OR52K1: variants seen among roughly 807,000 people sequenced by gnomAD.
OR52K1 encodes olfactory receptor 52K1.
In OR52K1, 10 loss-of-function variants were observed where a neutral mutation model predicts 8.7. That is an observed-to-expected ratio of 1.15 (90% CI 0.71 to 1.95). The LOEUF is 1.95. Among genes scored for constraint, OR52K1 ranks in the 30% most tolerant of loss-of-function variants. The probability of loss-of-function intolerance (pLI) is 0.00; values close to 1 mark genes in which losing one functional copy is unlikely to be tolerated. For synonymous variants in OR52K1, 203 were observed against 148.5 expected (o/e 1.37, Z -2.67); for missense variants, 431 against 397.2 (o/e 1.08, Z -0.72).
Position 4,489,818 on chromosome 11 carries a change from C to G in OR52K1, c.918C>G (p.Leu306=), listed in dbSNP as rs149846909. 1.2e-6 allele frequency: 2 copies of G among 1,608,830 alleles called. No individual in the cohort carries two copies. The highest frequency in any genetic ancestry group is 2.7e-5 in the African/African-American group (2 of 74,804). The change falls in exon 2 of 2, where the codon CTC becomes CTG. Residue 306 remains leucine, a synonymous_variant. Transcript: ENST00000641528. ...VKTKQIREYV[L]SLFQRKNM The stretch of plus-strand genomic sequence containing the variant: ...CCAAGCAGATTCGTGAGTATGTGCT[C>G]AGTCTATTCCAGAGAAAGAACATGT...
rs185569468 is a variant in OR52K1, at chr11:4,492,795, A to G, written c.*2950A>G. 24 of 166,764 alleles carry G rather than the reference A, an allele frequency of 1.4e-4. No individual in the cohort carries two copies. Among genetic ancestry groups the G allele is most frequent in the African/African-American group, 5.5e-4 (23 of 41,836 alleles). 10.3% of individuals were successfully genotyped at this position (166,764 alleles called of 1,614,324 possible). A position where few individuals can be genotyped will look rare whatever the true frequency, so the allele number is the denominator to read the frequency against. ...GTTTTTCCCCTTGTGTGCAGAGATG[A>G]GAGATCATAGAAATAAAGACAAAAG... On this transcript the variant is annotated 3_prime_UTR_variant, in exon 2 of 2. Transcript: ENST00000641528.
chr11:4,484,825 A>AACACAC (rs1429995858), intron 1 of OR52K1, among the ~76,000 whole-genome samples: 3,032 of 131,782 alleles, frequency 0.023, 38 homozygotes, highest in African/African-American at 0.024. Context: ...TCTGTTCTAA[A>AACACAC]ACACACAGAC....
chr11:4,484,671 T>C (rs1846305877), intron 1 of OR52K1, among the ~76,000 whole-genome samples: 1 of 152,008 alleles, frequency 6.6e-6, no homozygotes, highest in African/African-American at 2.4e-5. Context: ...CAGGATATGT[T>C]TATATTCTCA....
intron 1 of OR52K1, among the ~76,000 whole-genome samples, chr11:4,487,663 C>T (rs1436556484): frequency 2.0e-5 from 3 of 152,060 alleles, no homozygotes; most frequent in Non-Finnish European, 4.4e-5. Context: ...GCTATAATAT[C>T]TTAGAGCAAT....
chr11:4,489,206 G>C lies in OR52K1; in HGVS notation c.306G>C (p.Gln102His), dbSNP rs370066776. ...QEINFFACLVQMFFLHSFSIM... is the reference protein window; with the variant it reads ...QEINFFACLVHMFFLHSFSIM... Reference sequence around the variant, plus strand: ...TCAACTTCTTTGCCTGTCTGGTCCAGATGTTCTTCCTTCACTCCTTCTCCA... The same window carrying C: ...TCAACTTCTTTGCCTGTCTGGTCCACATGTTCTTCCTTCACTCCTTCTCCA... Residue 102 changes from glutamine to histidine, a missense_variant, in exon 2 of 2, where the codon CAG (glutamine) becomes CAC (histidine). Coordinates refer to ENST00000641528, the MANE Select transcript of OR52K1 (RefSeq NM_001005171.3). The C allele has an allele frequency of 2.0e-5, 32 of 1,614,228 alleles. No individual in the cohort carries two copies. In the East Asian group the frequency reaches 3.1e-4, roughly 16 times the overall value.
chr11:4,484,825 A>AACACACACACACACACAC (rs1429995858), intron 1 of OR52K1, among the ~76,000 whole-genome samples: 3 of 131,880 alleles, frequency 2.3e-5, no homozygotes, highest in African/African-American at 8.4e-5. Context: ...TCTGTTCTAA[A>AACACACACACACACACAC]ACACACAGAC....
In OR52K1 at chr11:4,488,817, G is replaced by A. The variant is rs944482831; in HGVS notation, c.-84G>A. ...CTTTGCAGGTGGGATAGCACAGGTT[G>A]AACTCTAATCATATATACTGTAGAA... is the stretch of plus-strand genomic sequence containing the variant. On this transcript the variant is annotated 5_prime_UTR_variant, in exon 2 of 2. The change abolishes the stop of an existing upstream ORF in the 5' untranslated region. Coordinates refer to ENST00000641528, the MANE Select transcript of OR52K1 (RefSeq NM_001005171.3). The A allele has an allele frequency of 1.0e-6, 1 of 961,406 alleles. No homozygotes were observed. The highest frequency in any genetic ancestry group is 1.6e-5 in the African/African-American group (1 of 60,990). The allele number at this position is 961,406 out of a possible 1,614,324, so 59.6% of individuals were successfully genotyped here.
Position 4,489,682 on chromosome 11 carries a change from C to CA in OR52K1, c.783dup (p.Val262SerfsTer42), listed in dbSNP as rs1846356076. 1.9e-6 allele frequency: 3 copies of CA among 1,614,110 alleles called. No individual in the cohort carries two copies. In the African/African-American group the frequency reaches 4.0e-5, roughly 22 times the overall value. ...ACCTACACTCCAGTAGTCATCTCTT[C>CA]AGTCATGCACCGTGTAGCCCGCCAT... On this transcript the variant is annotated frameshift_variant, in exon 2 of 2. Coordinates refer to ENST00000641528, the MANE Select transcript of OR52K1 (RefSeq NM_001005171.3). LOFTEE classifies it high-confidence loss of function.
chr11:4,488,414 G>A (rs1846337650), intron 1 of OR52K1, among the ~76,000 whole-genome samples, 159 bp from the exon 2 acceptor site: 1 of 152,196 alleles, frequency 6.6e-6, no homozygotes, highest in African/African-American at 2.4e-5. Flanking sequence ...TTGGGCATTA[G>A]AAACCAATGG....
At chr11:4,483,251 C>T (rs569955326) in intron 1 of OR52K1, 75 bp downstream of exon 1, 75 of 398,446 alleles carry the variant, frequency 1.9e-4, no homozygotes, top group Non-Finnish European at 2.8e-4. Flanking sequence ...GATTATCCTT[C>T]CTTGTCTGGT....
At chr11:4,488,079 T>C (rs1208699905) in intron 1 of OR52K1, among the ~76,000 whole-genome samples, 1 of 152,174 alleles carries the variant, frequency 6.6e-6, no homozygotes, top group African/African-American at 2.4e-5. Flanking sequence ...CACAGGGAGT[T>C]TAACATGAGT....
At chr11:4,487,953 A>T (rs964397235) in intron 1 of OR52K1, among the ~76,000 whole-genome samples, 1 of 152,188 alleles carries the variant, frequency 6.6e-6, no homozygotes, top group Non-Finnish European at 1.5e-5. Context: ...AAAAGGTGAA[A>T]AATTGTTAAC....
chr11:4,488,534 G>A (rs939980584), intron 1 of OR52K1, 39 bp from the exon 2 acceptor site: 1 of 194,870 alleles, frequency 5.1e-6, no homozygotes, highest in Admixed American at 5.3e-5. Flanking sequence ...ATGTGCTAAA[G>A]AAATGAATTG....
rs1249757737 is a variant in OR52K1, at chr11:4,488,950, T to C, written c.50T>C (p.Val17Ala). The change falls in exon 2 of 2, where the codon GTA (valine) becomes GCA (alanine). Residue 17 changes from valine (V) to alanine (A), a missense_variant. By Grantham distance (64) the Val-to-Ala change is moderately conservative. Transcript: ENST00000641528. ...TSTHPAVFLLVGIPGLEHLHA... is the reference protein window; with the variant it reads ...TSTHPAVFLLAGIPGLEHLHA... The stretch of plus-strand genomic sequence containing the variant: ...ACACATCCAGCTGTCTTTTTGTTGG[T>C]AGGAATTCCTGGTTTGGAACACCTG... 8 of 1,614,002 alleles carry C rather than the reference T, an allele frequency of 5.0e-6. 1 individual carries two copies. The highest frequency in any genetic ancestry group is 2.2e-5 in the South Asian group (2 of 91,080).
At chr11:4,488,331 A>G (rs749553970) in intron 1 of OR52K1, among the ~76,000 whole-genome samples, 3 of 152,256 alleles carry the variant, frequency 2.0e-5, no homozygotes, top group Admixed American at 2.0e-4. Flanking sequence ...TTAGGTTTAC[A>G]TAGTGACATG....
chr11:4,484,401 C>T (rs560206803), intron 1 of OR52K1, among the ~76,000 whole-genome samples: 1 of 152,192 alleles, frequency 6.6e-6, no homozygotes, highest in African/African-American at 2.4e-5. Flanking sequence ...ATCCAGTGTG[C>T]TTGCTGATGA....
Position 4,489,155 on chromosome 11 carries a change from C to T in OR52K1, c.255C>T (p.Ala85=), listed in dbSNP as rs757222438. Residue 85 remains alanine, a synonymous_variant, in exon 2 of 2, where the codon GCC becomes GCT. Transcript: ENST00000641528. Reference sequence around the variant, plus strand: ...CTACAACGCTGCCCAAAATGCTTGCCATATTCTGGTTCAGGGATCAGGAGA... The same window carrying T: ...CTACAACGCTGCCCAAAATGCTTGCTATATTCTGGTTCAGGGATCAGGAGA... ...LSSTTLPKML[A]IFWFRDQEIN... is the part of the protein sequence containing the mutation. 1.2e-6 allele frequency: 2 copies of T among 1,614,234 alleles called. No homozygotes were observed. Among genetic ancestry groups the T allele is most frequent in the East Asian group, 2.2e-5 (1 of 44,886 alleles).
rs1454534337 is a variant in OR52K1 at position 4,490,093 on chromosome 11, C to G, written c.*248C>G. ...AGACTCATCACATGGCTAAGGAAGA[C>G]AAACCTCTCAAAGTGGTATTGTAAT... On this transcript the variant is annotated 3_prime_UTR_variant, in exon 2 of 2. Coordinates refer to ENST00000641528, the MANE Select transcript of OR52K1 (RefSeq NM_001005171.3). The G allele has an allele frequency of 4.4e-6, 2 of 450,166 alleles. No homozygotes were observed. The highest frequency in any genetic ancestry group is 4.0e-5 in the African/African-American group (2 of 50,176). The allele number at this position is 450,166 out of a possible 1,614,324, so 27.9% of individuals were successfully genotyped here. A position where few individuals can be genotyped will look rare whatever the true frequency, so the allele number is the denominator to read the frequency against.
rs139285545 is a variant in OR52K1 at position 4,489,007 on chromosome 11, C to T, written c.107C>T (p.Ala36Val). Residue 36 changes from alanine to valine, a missense_variant, in exon 2 of 2, where the codon GCT (alanine) becomes GTT (valine). Physicochemically the swap from Ala to Val is moderately conservative, Grantham distance 64. Transcript: ENST00000641528. ...TGGATCTCCATCCCCTTCTGCTTTG[C>T]TTATACTCTGGCCCTGCTAGGCAAC... is the stretch of plus-strand genomic sequence containing the variant. ...HAWISIPFCFAYTLALLGNCT... is the reference protein window; with the variant it reads ...HAWISIPFCFVYTLALLGNCT... The T allele has an allele frequency of 1.2e-6, 2 of 1,614,164 alleles. No individual in the cohort carries two copies. The highest frequency in any genetic ancestry group is 8.5e-7 in the Non-Finnish European group (1 of 1,180,014).
Sources: gnomAD v4.1 joint callset for allele counts (sites outside exome capture counted in the v4.1 genomes callset) on GRCh38, gnomAD v4.1.1 for gene constraint, MANE v1.5 for transcripts, NCBI Gene and HGNC (gene_info 2026-07-23, HGNC 2026-07-21) for gene names.